The following NPL variants were observed in gnomAD, a reference collection of about 807,000 sequenced individuals.
The protein encoded by NPL is N-acetylneuraminate lyase.
NPL carries 32 observed loss-of-function variants against 41.1 expected under a neutral mutation model. The ratio of observed to expected loss-of-function variants is 0.78; its 90% confidence interval spans 0.59 to 1.05. The LOEUF is 1.05. Ranked by LOEUF, NPL falls within the 50% of genes least tolerant of loss-of-function variation. NPL has a pLI of 0.00. For synonymous variants in NPL, 128 were observed against 134.9 expected, an observed-to-expected ratio of 0.95 and a Z score of 0.35; for missense variants, 321 against 378.4, an observed-to-expected ratio of 0.85 and a Z score of 1.26.
In NPL at chr1:182,803,568, C is replaced by G. The variant is rs114100957; in HGVS notation, c.69-130C>G. ...AACCCCAGGCATTATTTACAGCAGG[C>G]TAAGAATTTCACAAATTGAGTGGAT... On this transcript the variant is annotated intron_variant, in intron 3 of 12. Coordinates refer to ENST00000367553, the MANE Select transcript of NPL (RefSeq NM_030769.3). 2.6e-4 allele frequency: 182 copies of G among 711,196 alleles called. No homozygotes were observed. In the African/African-American group the frequency reaches 3.0e-3, roughly 12 times the overall value. 44.1% of individuals were successfully genotyped at this position (711,196 alleles called of 1,614,324 possible).
At chr1:182,824,139 C>T (rs1443873678) in intron 11 of NPL, among the ~76,000 whole-genome samples, 1 of 152,182 alleles carries the variant, frequency 6.6e-6, no homozygotes, top group Non-Finnish European at 1.5e-5. Flanking sequence ...TTCCTTGCAG[C>T]TTTGTTTGTA....
At chr1:182,808,294 G>A (rs1294170300) in intron 5 of NPL, among the ~76,000 whole-genome samples, 1 of 152,140 alleles carries the variant, frequency 6.6e-6, no homozygotes, top group Non-Finnish European at 1.5e-5. Context: ...TATAACGTTT[G>A]TTATAATAAC....
intron 6 of NPL, among the ~76,000 whole-genome samples, chr1:182,814,278 G>A (rs1397770579): frequency 6.6e-6 from 1 of 152,240 alleles, no homozygotes; most frequent in African/African-American, 2.4e-5. Flanking sequence ...AAGAGGAAAT[G>A]TTACTTTTTT....
chr1:182,806,623 A>T, intron 5 of NPL: 1 of 1,401,028 alleles, frequency 7.1e-7, no homozygotes. Context: ...TGAGCGCCTG[A>T]TGCTTGTATT....
intron 3 of NPL, among the ~76,000 whole-genome samples, chr1:182,800,950 A>G (rs1666830327): frequency 1.3e-5 from 2 of 151,876 alleles, no homozygotes; most frequent in African/African-American, 4.8e-5. Context: ...GCCTGGTCTC[A>G]AACTCTTGAC....
chr1:182,798,233 CTT>C (rs58974453), intron 3 of NPL, among the ~76,000 whole-genome samples: 46 of 129,948 alleles, frequency 3.5e-4, no homozygotes, highest in Admixed American at 4.7e-4. Flanking sequence ...GAAAGACTTG[CTT>C]TTTTTTTTTT....
intron 3 of NPL, among the ~76,000 whole-genome samples, 156 bp from the exon 4 acceptor site, chr1:182,803,542 A>T (rs1168903140): frequency 6.6e-6 from 1 of 152,106 alleles, no homozygotes; most frequent in Admixed American, 6.5e-5. Context: ...GGGGGGAAAA[A>T]AACCCCAGGC....
Position 182,818,815 on chromosome 1 carries a change from A to G in NPL, c.609A>G (p.Gln203=). The G allele has an allele frequency of 6.2e-7, 1 of 1,614,046 alleles. No homozygotes were observed. Among genetic ancestry groups the G allele is most frequent in the Non-Finnish European group, 8.5e-7 (1 of 1,179,942 alleles). Residue 203 remains glutamine, a splice_region_variant and synonymous_variant, in exon 10 of 13, where the codon CAA becomes CAG. Transcript: ENST00000367553. ...QFAFLFGVDE[Q]LLSALVMGAT... ...GAATATTTTTTGTTTCTGATTAGCA[A>G]CTGTTGAGTGCTCTGGTGATGGGAG...
intron 11 of NPL, among the ~76,000 whole-genome samples, chr1:182,823,206 C>G (rs1667537405): frequency 6.6e-6 from 1 of 152,156 alleles, no homozygotes; most frequent in Admixed American, 6.5e-5. Flanking sequence ...AAGACAGAAG[C>G]AAGATTGGAG....
At position 182,829,644 on chromosome 1, in the gene NPL, C is replaced by T. The variant is rs763583714; in HGVS notation, c.*736C>T. The T allele has an allele frequency of 5.8e-6, 9 of 1,550,058 alleles. No homozygotes were observed. The highest frequency in any genetic ancestry group is 6.1e-6 in the Non-Finnish European group (7 of 1,146,258). On this transcript the variant is annotated 3_prime_UTR_variant, in exon 13 of 13. Coordinates refer to ENST00000367553, the MANE Select transcript of NPL (RefSeq NM_030769.3). ...AGTTTCAAAGAACCAAAGGACTCTT[C>T]CTCTGGGCACCACAAACTTCCCCTT...
In NPL at chr1:182,828,705, A is replaced by G; in HGVS notation, c.779-19A>G. On this transcript the variant is annotated intron_variant, in intron 12 of 12. Coordinates refer to ENST00000367553, the MANE Select transcript of NPL (RefSeq NM_030769.3). The surrounding 1 kb of genome is among the most constrained non-coding windows in gnomAD (Gnocchi z 4.0). ...TAGACGGTACCAGTCATGTTTCCTC[A>G]TTTGTTTTTCCCGTCTAGGTTTTGG... The G allele has an allele frequency of 6.2e-7, 1 of 1,614,000 alleles. No individual in the cohort carries two copies. The highest frequency in any genetic ancestry group is 8.5e-7 in the Non-Finnish European group (1 of 1,179,974).
chr1:182,791,943 A>C (rs1666527586), intron 1 of NPL, among the ~76,000 whole-genome samples: 1 of 152,192 alleles, frequency 6.6e-6, no homozygotes, highest in Non-Finnish European at 1.5e-5. Context: ...GAAAGGAGGA[A>C]TAGCAGGGGA....
At chr1:182,810,348 AT>A (rs1667140880) in intron 5 of NPL, among the ~76,000 whole-genome samples, 1 of 152,222 alleles carries the variant, frequency 6.6e-6, no homozygotes, top group African/African-American at 2.4e-5. Context: ...GATTTGCAAA[AT>A]AGGAAATTGC....
In NPL at chr1:182,829,372, G is replaced by A. The variant is rs1215111490; in HGVS notation, c.*464G>A. 4.6e-6 allele frequency: 6 copies of A among 1,303,762 alleles called. No individual in the cohort carries two copies. The highest frequency in any genetic ancestry group is 3.0e-5 in the African/African-American group (2 of 66,652). The allele number at this position is 1,303,762 out of a possible 1,614,324, so 80.8% of individuals were successfully genotyped here. A position where few individuals can be genotyped will look rare whatever the true frequency, so the allele number is the denominator to read the frequency against. Reference sequence around the variant, plus strand: ...GCACTTTAATACCAAACTGTAACATGTCTCAACTGTATACAACTCAAAATA... The same window carrying A: ...GCACTTTAATACCAAACTGTAACATATCTCAACTGTATACAACTCAAAATA... On this transcript the variant is annotated 3_prime_UTR_variant, in exon 13 of 13. Coordinates refer to ENST00000367553, the MANE Select transcript of NPL (RefSeq NM_030769.3).
intron 11 of NPL, among the ~76,000 whole-genome samples, chr1:182,823,471 C>T (rs1384823848): frequency 1.3e-5 from 2 of 152,128 alleles, no homozygotes; most frequent in African/African-American, 2.4e-5. Context: ...GTAATATTCG[C>T]CTTTGTCCTC....
At chr1:182,790,705 G>T (rs896938711) in intron 1 of NPL, among the ~76,000 whole-genome samples, 1 of 152,064 alleles carries the variant, frequency 6.6e-6, no homozygotes, top group Non-Finnish European at 1.5e-5. Context: ...CTGCAGTGGC[G>T]CTATCTCGGC....
At chr1:182,791,687 T>C (rs572220292) in intron 1 of NPL, among the ~76,000 whole-genome samples, 7 of 152,218 alleles carry the variant, frequency 4.6e-5, no homozygotes, top group Non-Finnish European at 1.0e-4. Context: ...AACTGCCAAT[T>C]TGAGCTTCTG....
intron 11 of NPL, 123 bp downstream of exon 11, chr1:182,822,322 T>G (rs1450319455): frequency 1.4e-6 from 1 of 723,424 alleles, no homozygotes; most frequent in Non-Finnish European, 2.5e-6. Context: ...TTCTTTACCT[T>G]TCTTCTGTTT....
At chr1:182,808,286 T>G (rs1667080024) in intron 5 of NPL, among the ~76,000 whole-genome samples, 1 of 152,228 alleles carries the variant, frequency 6.6e-6, no homozygotes. Flanking sequence ...ATGTTCATTA[T>G]AACGTTTGTT....
Sources: allele counts gnomAD v4.1 joint callset (sites outside exome capture counted in the v4.1 genomes callset), GRCh38; gene constraint gnomAD v4.1.1; non-coding constraint Gnocchi (gnomAD v3.1); transcripts MANE v1.5; gene names NCBI Gene and HGNC (gene_info 2026-07-23, HGNC 2026-07-21).